The following ADGRB3 variants were observed in gnomAD, a reference collection of about 807,000 sequenced individuals.
ADGRB3 encodes adhesion G protein-coupled receptor B3, also known as brain-specific angiogenesis inhibitor 3.
Under a neutral mutation model 193.4 loss-of-function variants are expected in ADGRB3, and 37 were observed. The ratio of observed to expected loss-of-function variants is 0.19; its 90% CI spans 0.15 to 0.25. The LOEUF (loss-of-function observed/expected upper bound fraction) is 0.25. Among genes scored for constraint, ADGRB3 ranks in the 10% least tolerant of loss-of-function variants. ADGRB3 has a pLI of 1.00. For missense variants in ADGRB3, 1,637 were observed against 1,852.9 expected (o/e 0.88, Z 2.14); for synonymous variants, 690 against 644.2 (o/e 1.07, Z -1.08).
chr6:68,816,653 A>G (rs1442836226), intron 3 of ADGRB3, among the ~76,000 whole-genome samples: 1 of 152,024 alleles, frequency 6.6e-6, no homozygotes, highest in Non-Finnish European at 1.5e-5. Context: ...CTCCCAAGCT[A>G]CCTTTTCTAA....
intron 17 of ADGRB3, among the ~76,000 whole-genome samples, chr6:69,219,460 C>CATATATATATAT (rs1561956677): frequency 7.3e-5 from 4 of 54,828 alleles, no homozygotes; most frequent in Non-Finnish European, 1.3e-4. Flanking sequence ...TACACACACA[C>CATATATATATAT]GTATATATAT....
intron 3 of ADGRB3, among the ~76,000 whole-genome samples, chr6:68,903,251 T>C (rs532581425): frequency 2.2e-4 from 33 of 152,292 alleles, no homozygotes; most frequent in Non-Finnish European, 4.6e-4. Flanking sequence ...TATAAAATTA[T>C]GAATAGGAGA....
In ADGRB3 at chr6:69,120,236, T is replaced by C. The variant is rs9454697; in HGVS notation, c.2480+44198T>C. On this transcript the variant is annotated intron_variant, in intron 17 of 31. Coordinates refer to ENST00000370598, the MANE Select transcript of ADGRB3 (RefSeq NM_001704.3). ...ATGAATTTGTGTACTGCATTGCTTATTGAAATGTGGTCCCTGAATCAGCAG... is the reference window on the plus strand; with the variant it reads ...ATGAATTTGTGTACTGCATTGCTTACTGAAATGTGGTCCCTGAATCAGCAG... 1.8e-4 allele frequency among the ~76,000 whole-genome samples: 27 copies of C among 152,318 alleles called. 1 individual carries two copies. The highest frequency in any genetic ancestry group is 6.0e-4 in the African/African-American group (25 of 41,564).
At chr6:69,328,555 A>G (rs1768634718) in intron 22 of ADGRB3, among the ~76,000 whole-genome samples, 1 of 152,144 alleles carries the variant, frequency 6.6e-6, no homozygotes, top group Non-Finnish European at 1.5e-5. Flanking sequence ...GAAGTGGGGA[A>G]AGAAATGTGC....
At chr6:69,165,172 CA>C (rs1240247491) in intron 17 of ADGRB3, among the ~76,000 whole-genome samples, 1 of 152,016 alleles carries the variant, frequency 6.6e-6, no homozygotes, top group Non-Finnish European at 1.5e-5. Context: ...TTCATTTTGA[CA>C]ACACAGATCC....
chr6:69,004,805 T>TG (rs918440826), intron 11 of ADGRB3, among the ~76,000 whole-genome samples: 5 of 152,046 alleles, frequency 3.3e-5, no homozygotes, highest in African/African-American at 9.7e-5. Flanking sequence ...ATTTTGGGGT[T>TG]GGGGGGTGCT....
intron 3 of ADGRB3, among the ~76,000 whole-genome samples, chr6:68,824,886 ACT>A (rs1240914378): frequency 6.6e-6 from 1 of 151,730 alleles, no homozygotes; most frequent in Non-Finnish European, 1.5e-5. Flanking sequence ...ACAGAGTATC[ACT>A]CTGTCGCCCA....
intron 15 of ADGRB3, among the ~76,000 whole-genome samples, chr6:69,054,951 A>G (rs1374285988): frequency 6.6e-6 from 1 of 152,202 alleles, no homozygotes; most frequent in African/African-American, 2.4e-5. Context: ...TTCACTTAAA[A>G]CATTTATGAA....
intron 11 of ADGRB3, 150 bp from the exon 12 acceptor site, chr6:69,013,888 C>A: frequency 2.2e-6 from 1 of 445,402 alleles, no homozygotes. Flanking sequence ...TAAAAGGATC[C>A]TCAGTGATCT....
chr6:69,076,738 T>G (rs1772243953), intron 17 of ADGRB3, among the ~76,000 whole-genome samples: 1 of 152,038 alleles, frequency 6.6e-6, no homozygotes, highest in Admixed American at 6.6e-5. Flanking sequence ...CTTGTGTAGC[T>G]TATAACTTTT....
At chr6:68,758,565 TC>T (rs950607405) in intron 3 of ADGRB3, among the ~76,000 whole-genome samples, 32 of 152,104 alleles carry the variant, frequency 2.1e-4, no homozygotes, top group African/African-American at 7.7e-4. Context: ...TCTAGTGTAT[TC>T]CCCCATGTGT....
intron 13 of ADGRB3, among the ~76,000 whole-genome samples, chr6:69,045,696 G>T (rs1386134490): frequency 1.3e-5 from 2 of 151,996 alleles, no homozygotes; most frequent in Admixed American, 6.6e-5. Flanking sequence ...CATATTTCAG[G>T]ATCTTAGTTA....
At chr6:68,753,025 T>C (rs1294164142) in intron 3 of ADGRB3, among the ~76,000 whole-genome samples, 1 of 152,176 alleles carries the variant, frequency 6.6e-6, no homozygotes, top group Non-Finnish European at 1.5e-5. Context: ...GAGGTACCTG[T>C]GGAAGATGTT....
At chr6:68,672,821 A>G (rs1052652420) in intron 3 of ADGRB3, among the ~76,000 whole-genome samples, 2 of 152,202 alleles carry the variant, frequency 1.3e-5, no homozygotes, top group Middle Eastern at 6.8e-3. Context: ...TCTCCATAAT[A>G]TGGGTAGGCA....
chr6:68,820,472 A>C (rs2127379949), intron 3 of ADGRB3, among the ~76,000 whole-genome samples: 1 of 152,116 alleles, frequency 6.6e-6, no homozygotes, highest in Non-Finnish European at 1.5e-5. Context: ...CACCTCAAGC[A>C]TTTACCATTT....
chr6:69,164,218 C>T (rs964328560), intron 17 of ADGRB3, among the ~76,000 whole-genome samples: 1 of 152,040 alleles, frequency 6.6e-6, no homozygotes, highest in African/African-American at 2.4e-5. Context: ...GTGGGTAGGA[C>T]CTGGCTCCCA....
At chr6:68,732,686 G>A (rs545900528) in intron 3 of ADGRB3, among the ~76,000 whole-genome samples, 1 of 152,038 alleles carries the variant, frequency 6.6e-6, no homozygotes, top group Admixed American at 6.6e-5. Flanking sequence ...GAGACCGTGA[G>A]ACTCCACCCT....
intron 14 of ADGRB3, 100 bp from the exon 15 acceptor site, chr6:69,049,171 A>G (rs1771322123): frequency 2.4e-6 from 2 of 826,672 alleles, no homozygotes; most frequent in South Asian, 1.6e-5. Context: ...ATCTTTGCCT[A>G]AGGAAGTACT....
intron 17 of ADGRB3, among the ~76,000 whole-genome samples, chr6:69,159,446 A>T (rs1057404011): frequency 3.9e-5 from 6 of 152,136 alleles, no homozygotes; most frequent in Admixed American, 2.6e-4. Flanking sequence ...TCAATAAAAT[A>T]TCTATTATCT....
Sources: allele counts gnomAD v4.1 joint callset (sites outside exome capture counted in the v4.1 genomes callset), GRCh38; gene constraint gnomAD v4.1.1; transcripts MANE v1.5; gene names NCBI Gene and HGNC (gene_info 2026-07-23, HGNC 2026-07-21).